PHF10: variants seen among roughly 807,000 people sequenced by gnomAD.
The protein encoded by PHF10 is PHD finger protein 10.
A neutral mutation model predicts 68.5 loss-of-function variants in PHF10; 51 were observed. The ratio of observed to expected loss-of-function variants is 0.74; its 90% CI spans 0.59 to 0.94. PHF10 has a LOEUF of 0.94. Among genes scored for constraint, PHF10 ranks in the 40% least tolerant of loss-of-function variants. The pLI is 0.00. For synonymous variants in PHF10, 204 were observed against 203.5 expected, an observed-to-expected ratio of 1.00 and a Z score of -0.02; for missense variants, 460 against 602.6, an observed-to-expected ratio of 0.76 and a Z score of 2.48.
rs760729295 is a variant in PHF10, at chr6:169,710,329, G to A, written c.1020C>T (p.Phe340=). 3 of 1,611,786 alleles carry A rather than the reference G, an allele frequency of 1.9e-6. No homozygotes were observed. In the Admixed American group the frequency reaches 5.0e-5, roughly 27 times the overall value. ...TGTCTTTTGATTTCTGTCTTCCCTG[G>A]AAAGAGTCCTCCTGGCTGTCAGGAG... The part of the protein sequence containing the change: ...ESPPDSQEDS[F]QGRQKSKDKA... The change falls in exon 9 of 12, where the codon TTC becomes TTT. Residue 340 remains phenylalanine, a synonymous_variant. Transcript: ENST00000339209.
Position 169,723,970 on chromosome 6 carries a change from TCCGCCTTGTCCCGGCCG to T in PHF10, c.-56_-40del, listed in dbSNP as rs1239541715. ...CCGCGCCGCCGCCGCCGCCGTCGCCTCCGCCTTGTCCCGGCCGCCGCCGCCGCTGCCGCCGCCGCCGC... is the reference window on the plus strand; with the variant it reads ...CCGCGCCGCCGCCGCCGCCGTCGCCTCCGCCGCCGCTGCCGCCGCCGCCGC... On this transcript the variant is annotated 5_prime_UTR_variant, in exon 1 of 12. Transcript: ENST00000339209. The T allele has an allele frequency of 1.6e-5, 10 of 623,864 alleles. No homozygotes were observed. Among genetic ancestry groups the T allele is most frequent in the Non-Finnish European group, 2.0e-5 (10 of 509,872 alleles). 38.6% of individuals were successfully genotyped at this position (623,864 alleles called of 1,614,324 possible).
intron 8 of PHF10, among the ~76,000 whole-genome samples, chr6:169,710,837 AG>A (rs1788912460): frequency 6.6e-6 from 1 of 151,446 alleles, no homozygotes; most frequent in Non-Finnish European, 1.5e-5. Flanking sequence ...CGCTGCAGTT[AG>A]GAAAAAAAAA....
intron 5 of PHF10, 33 bp from the exon 6 acceptor site, chr6:169,715,890 A>C: frequency 6.3e-7 from 1 of 1,599,878 alleles, no homozygotes; most frequent in Non-Finnish European, 8.5e-7. Flanking sequence ...GAAGTCACAT[A>C]TAACTTTCTA....
intron 6 of PHF10, 65 bp from the exon 7 acceptor site, chr6:169,714,907 T>A: frequency 1.2e-6 from 1 of 868,138 alleles, no homozygotes; most frequent in South Asian, 1.3e-5. Flanking sequence ...TTAGGAAGAG[T>A]CCCCACGTGC....
At chr6:169,711,184 T>C (rs910978360) in intron 8 of PHF10, among the ~76,000 whole-genome samples, 3 of 152,156 alleles carry the variant, frequency 2.0e-5, no homozygotes, top group Admixed American at 6.5e-5. Flanking sequence ...CCCTACCTCA[T>C]TGTGCCCTCA....
intron 1 of PHF10, 139 bp from the exon 2 acceptor site, chr6:169,721,250 T>G (rs951000025): frequency 2.2e-5 from 12 of 540,722 alleles, no homozygotes; most frequent in Non-Finnish European, 3.9e-5. Flanking sequence ...GTCCAAGAGT[T>G]TGGCATGAGC....
At position 169,723,902 on chromosome 6, in the gene PHF10, C is replaced by T; in HGVS notation, c.30G>A (p.Ala10=). The change falls in exon 1 of 12, where the codon GCG becomes GCA. Residue 10 remains alanine (A), a synonymous_variant. Transcript: ENST00000339209. ...CGCTGTCGCACGGCCGCGGGGACAGCGCAGCCCCGGGCCCGGCCGCCGCCG... is the reference window on the plus strand; with the variant it reads ...CGCTGTCGCACGGCCGCGGGGACAGTGCAGCCCCGGGCCCGGCCGCCGCCG... MAAAAGPGA[A]LSPRPCDSDP... is the part of the protein sequence containing the mutation. The T allele has an allele frequency of 1.9e-6, 2 of 1,073,480 alleles. No individual in the cohort carries two copies. Among genetic ancestry groups the T allele is most frequent in the Non-Finnish European group, 1.1e-6 (1 of 884,184 alleles). 66.5% of individuals were successfully genotyped at this position (1,073,480 alleles called of 1,614,324 possible). A position where few individuals can be genotyped will look rare whatever the true frequency, so the allele number is the denominator to read the frequency against.
chr6:169,712,091 A>G (rs961233213), intron 8 of PHF10, among the ~76,000 whole-genome samples: 5 of 152,266 alleles, frequency 3.3e-5, no homozygotes, highest in African/African-American at 9.6e-5. Flanking sequence ...GTTTTGTTCA[A>G]TATTTTAAGC....
chr6:169,723,974 C>T lies in PHF10; in HGVS notation c.-43G>A, dbSNP rs929691702. ...GCCGCCGCCGCCGCCGTCGCCTCCGCCTTGTCCCGGCCGCCGCCGCCGCTG... is the reference window on the plus strand; with the variant it reads ...GCCGCCGCCGCCGCCGTCGCCTCCGTCTTGTCCCGGCCGCCGCCGCCGCTG... On this transcript the variant is annotated 5_prime_UTR_variant, in exon 1 of 12. Transcript: ENST00000339209. 2.0e-4 allele frequency: 128 copies of T among 628,166 alleles called. No individual in the cohort carries two copies. The highest frequency in any genetic ancestry group is 2.3e-4 in the Non-Finnish European group (118 of 506,720). The allele number at this position is 628,166 out of a possible 1,614,324, so 38.9% of individuals were successfully genotyped here. A position where few individuals can be genotyped will look rare whatever the true frequency, so the allele number is the denominator to read the frequency against.
At chr6:169,723,367 G>A (rs1011946123) in intron 1 of PHF10, among the ~76,000 whole-genome samples, 2 of 152,198 alleles carry the variant, frequency 1.3e-5, no homozygotes, top group African/African-American at 2.4e-5. Flanking sequence ...CCGGACGCTT[G>A]CGTATTAACT....
intron 8 of PHF10, among the ~76,000 whole-genome samples, chr6:169,710,834 G>T (rs1788912273): frequency 6.7e-6 from 1 of 149,266 alleles, no homozygotes; most frequent in African/African-American, 2.5e-5. Context: ...AAGCGCTGCA[G>T]TTAGGAAAAA....
rs1459572633 is a variant in PHF10, at chr6:169,724,449, G to A, written c.-518C>T. Among the ~76,000 whole-genome samples the A allele has an allele frequency of 2.3e-5, 2 of 87,184 alleles. No homozygotes were observed. The highest frequency in any genetic ancestry group is 4.7e-5 in the African/African-American group (1 of 21,268). 57.2% of individuals were successfully genotyped at this position (87,184 alleles called of 152,430 possible). On this transcript the variant is annotated 5_prime_UTR_variant, in exon 1 of 12. Coordinates refer to ENST00000339209, the MANE Select transcript of PHF10 (RefSeq NM_018288.4). Reference sequence around the variant, plus strand: ...GCCCCGCCGCTCCCCTCAGCCCCGCGGCCGCCTCAGCCCCGCCGCCGCCTG... The same window carrying A: ...GCCCCGCCGCTCCCCTCAGCCCCGCAGCCGCCTCAGCCCCGCCGCCGCCTG...
At position 169,710,233 on chromosome 6, in the gene PHF10, T is replaced by C; in HGVS notation, c.1113+3A>G. On this transcript the variant is annotated splice_donor_region_variant and intron_variant, in intron 9 of 11. Transcript: ENST00000339209. ...AGCTGAGTCAGGGGCTTTTTTCTTC[T>C]ACCTTGTACCCAGGAACTGACTTGG... 6.3e-7 allele frequency: 1 copy of C among 1,581,358 alleles called. No individual in the cohort carries two copies. The highest frequency in any genetic ancestry group is 1.2e-5 in the South Asian group (1 of 83,956).
chr6:169,706,745 C>T lies in PHF10; in HGVS notation c.1114-1021G>A, dbSNP rs866158556. ...ACATACATACACACACACACACACA[C>T]ACACACACACACACACACACACACA... On this transcript the variant is annotated intron_variant, in intron 9 of 11. Coordinates refer to ENST00000339209, the MANE Select transcript of PHF10 (RefSeq NM_018288.4). Among the ~76,000 whole-genome samples, 101 of 132,678 alleles carry T rather than the reference C, an allele frequency of 7.6e-4. 1 individual carries two copies. The highest frequency in any genetic ancestry group is 2.7e-3 in the Admixed American group (34 of 12,486). The allele number at this position is 132,678 out of a possible 152,430, so 87.0% of individuals were successfully genotyped here. A position where few individuals can be genotyped will look rare whatever the true frequency, so the allele number is the denominator to read the frequency against.
At position 169,715,781 on chromosome 6, in the gene PHF10, G is replaced by GC; in HGVS notation, c.619dup (p.Ala207GlyfsTer5). 1 of 1,613,490 alleles carries GC rather than the reference G, an allele frequency of 6.2e-7. No individual in the cohort carries two copies. Among genetic ancestry groups the GC allele is most frequent in the Non-Finnish European group, 8.5e-7 (1 of 1,179,826 alleles). ...GTTTAAGTTGCTATTAAATTCTGCT[G>GC]CTTTTTTGGCAGCTTTCTTAATATA... On this transcript the variant is annotated frameshift_variant, in exon 6 of 12. Coordinates refer to ENST00000339209, the MANE Select transcript of PHF10 (RefSeq NM_018288.4). LOFTEE classifies it high-confidence loss of function.
intron 1 of PHF10, among the ~76,000 whole-genome samples, chr6:169,723,111 A>C (rs1265840464): frequency 1.3e-5 from 2 of 152,226 alleles, no homozygotes; most frequent in Non-Finnish European, 2.9e-5. Context: ...CACCGCACGA[A>C]GGCTGGCTGG....
intron 2 of PHF10, 173 bp from the exon 3 acceptor site, chr6:169,719,091 T>G (rs1309468315): frequency 1.9e-6 from 1 of 516,822 alleles, no homozygotes; most frequent in East Asian, 3.3e-5. Context: ...TAGAAATAAT[T>G]ATCTGGTCTA....
intron 6 of PHF10, 95 bp downstream of exon 6, chr6:169,715,613 G>A: frequency 9.7e-7 from 1 of 1,034,752 alleles, no homozygotes; most frequent in Non-Finnish European, 1.5e-6. Flanking sequence ...ACACACATAG[G>A]TGGTACAAAA....
In PHF10 at chr6:169,705,295, T is replaced by C. The variant is rs774263742; in HGVS notation, c.1249A>G (p.Met417Val). 6.8e-6 allele frequency: 11 copies of C among 1,612,224 alleles called. No individual in the cohort carries two copies. Among genetic ancestry groups the C allele is most frequent in the South Asian group, 5.5e-5 (5 of 90,612 alleles). ...GTCTTAATCATAGAAACAAGCTCCA[T>C]TGTCATATCCAGGCAAGAAGGATGG... The part of the protein sequence containing the change: ...SGHPSCLDMT[M>V]ELVSMIKTYP... The change falls in exon 11 of 12, where the codon ATG (methionine) becomes GTG (valine). Residue 417 changes from methionine (M) to valine (V), a missense_variant. Met to Val is a conservative substitution (Grantham distance 21, BLOSUM62 1). This residue lies in a region of PHF10 where 111 missense variants were observed against 109.7 expected (regional missense o/e 1.01). Coordinates refer to ENST00000339209, the MANE Select transcript of PHF10 (RefSeq NM_018288.4).
Sources: allele counts gnomAD v4.1 joint callset (sites outside exome capture counted in the v4.1 genomes callset), GRCh38; gene constraint gnomAD v4.1.1; regional missense constraint gnomAD v4.1.1; transcripts MANE v1.5; gene names NCBI Gene and HGNC (gene_info 2026-07-23, HGNC 2026-07-21).